The following ADGRV1 variants were observed in gnomAD, a reference collection of about 807,000 sequenced individuals.
The protein encoded by ADGRV1 is adhesion G protein-coupled receptor V1.
A neutral mutation model predicts 596.2 loss-of-function variants in ADGRV1; 359 were observed. The ratio of observed to expected loss-of-function variants is 0.60; its 90% CI spans 0.55 to 0.66. The LOEUF (loss-of-function observed/expected upper bound fraction) is 0.66, where lower values mean the gene tolerates loss of function less well. ADGRV1 is among the 30% of genes least tolerant of loss of function. ADGRV1 has a pLI of 0.00. For synonymous variants in ADGRV1, 2,681 were observed against 2,679.2 expected (o/e 1.00, Z -0.02); for missense variants, 7,274 against 7,575.6 (o/e 0.96, Z 1.48).
chr5:90,588,710 C>G (rs152714), intron 1 of ADGRV1, among the ~76,000 whole-genome samples: 39,118 of 152,050 alleles, frequency 0.26, 6,415 homozygotes, highest in African/African-American at 0.46. Context: ...TGCCCTCCCA[C>G]TCACTTTTTG....
chr5:90,825,713 C>A (rs1369952406), intron 76 of ADGRV1: 3 of 152,178 alleles, frequency 2.0e-5, no homozygotes, highest in East Asian at 3.9e-4. Context: ...ACTACTTCCT[C>A]TGAGCTTGCC....
At chr5:90,564,981 T>C (rs1309768027) in intron 1 of ADGRV1, among the ~76,000 whole-genome samples, 1 of 151,738 alleles carries the variant, frequency 6.6e-6, no homozygotes, top group Admixed American at 6.6e-5. Context: ...ACTCCCGTAA[T>C]CCCAACACTT....
intron 58 of ADGRV1, among the ~76,000 whole-genome samples, chr5:90,760,495 A>G (rs954455366): frequency 2.3e-4 from 35 of 151,956 alleles, no homozygotes; most frequent in Non-Finnish European, 4.0e-4. Context: ...CATCCATACC[A>G]CCTATTCTCT....
intron 1 of ADGRV1, among the ~76,000 whole-genome samples, chr5:90,606,093 G>T (rs750795722): frequency 3.3e-5 from 5 of 152,158 alleles, no homozygotes; most frequent in Non-Finnish European, 7.3e-5. Context: ...ATCATTAAAA[G>T]CATAGTCCAC....
At chr5:91,161,725 C>G (rs1796972142) in intron 89 of ADGRV1, among the ~76,000 whole-genome samples, 1 of 152,082 alleles carries the variant, frequency 6.6e-6, no homozygotes, top group Non-Finnish European at 1.5e-5. Flanking sequence ...AATTTATCAT[C>G]AAAACCTGGG....
intron 56 of ADGRV1, 26 bp from the exon 57 acceptor site, chr5:90,756,953 C>A: frequency 6.6e-7 from 1 of 1,515,782 alleles, no homozygotes; most frequent in Non-Finnish European, 8.9e-7. Flanking sequence ...TTTATCTTGC[C>A]TTTCAATTAT....
At position 90,725,276 on chromosome 5, in the gene ADGRV1, A is replaced by C. The variant is rs367811283; in HGVS notation, c.10053+44A>C. The C allele has an allele frequency of 5.5e-5, 63 of 1,153,684 alleles. No homozygotes were observed. The African/African-American group carries it at 8.4e-4, about 15-fold the overall frequency. The allele number at this position is 1,153,684 out of a possible 1,614,324, so 71.5% of individuals were successfully genotyped here. A position where few individuals can be genotyped will look rare whatever the true frequency, so the allele number is the denominator to read the frequency against. On this transcript the variant is annotated intron_variant, in intron 47 of 89. Transcript: ENST00000405460. ...TTAAATAGATTACTTTCTTTAAAAGAAATTAAGATTTGTAAGATTGTTCAA... is the reference window on the plus strand; with the variant it reads ...TTAAATAGATTACTTTCTTTAAAAGCAATTAAGATTTGTAAGATTGTTCAA...
intron 86 of ADGRV1, among the ~76,000 whole-genome samples, chr5:91,093,613 T>G (rs1426511931): frequency 6.6e-6 from 1 of 152,152 alleles, no homozygotes; most frequent in African/African-American, 2.4e-5. Flanking sequence ...GATAGACACG[T>G]AACAAGTAAT....
At chr5:90,936,894 A>G (rs1312664127) in intron 83 of ADGRV1, among the ~76,000 whole-genome samples, 1 of 152,094 alleles carries the variant, frequency 6.6e-6, no homozygotes, top group Non-Finnish European at 1.5e-5. Flanking sequence ...TATGTCTAAA[A>G]TGTCTTTATT....
intron 83 of ADGRV1, among the ~76,000 whole-genome samples, chr5:90,874,377 C>G (rs888839362): frequency 3.3e-5 from 5 of 152,194 alleles, no homozygotes; most frequent in Non-Finnish European, 1.5e-5. Flanking sequence ...CCTACGGGGT[C>G]TCATCACTGT....
intron 85 of ADGRV1, among the ~76,000 whole-genome samples, chr5:91,052,505 G>GCTCA (rs1351245902): frequency 6.6e-6 from 1 of 151,120 alleles, no homozygotes; most frequent in Non-Finnish European, 1.5e-5. Flanking sequence ...AGTGATCTCA[G>GCTCA]CTCACTGCAG....
chr5:90,745,171 CTTAA>C lies in ADGRV1; in HGVS notation c.10678_10681del (p.Asn3560GlnfsTer5). 1 of 1,613,376 alleles carries C rather than the reference CTTAA, an allele frequency of 6.2e-7. No individual in the cohort carries two copies. On this transcript the variant is annotated frameshift_variant, in exon 51 of 90. Coordinates refer to ENST00000405460, the MANE Select transcript of ADGRV1 (RefSeq NM_032119.4). LOFTEE classifies it high-confidence loss of function. ...TGTGGCTTCTGTTACAGTAAAGTCC[CTTAA>C]TTCAAGCAAGAATTTAATAGCTCTA...
chr5:90,924,712 C>T (rs1198496650), intron 83 of ADGRV1, among the ~76,000 whole-genome samples: 4 of 152,244 alleles, frequency 2.6e-5, no homozygotes, highest in Admixed American at 2.0e-4. Flanking sequence ...TTGCCCATGC[C>T]TGTGTCCTGA....
Position 90,703,665 on chromosome 5 carries a change from G to T in ADGRV1, c.8156G>T (p.Gly2719Val). Residue 2719 changes from glycine to valine, a missense_variant and splice_region_variant, in exon 35 of 90, where the codon GGA becomes GTA. Transcript: ENST00000405460. ...TASRSVIGHE[G>V]EILQFHVIRT... is the part of the protein sequence containing the mutation. ...ATCAATTTACACATTTTACTTGCAG[G>T]AGAAATTTTACAATTCCATGTGATA... is the stretch of plus-strand genomic sequence containing the variant. 6.3e-7 allele frequency: 1 copy of T among 1,594,282 alleles called. No homozygotes were observed. The highest frequency in any genetic ancestry group is 8.6e-7 in the Non-Finnish European group (1 of 1,167,504).
At chr5:90,564,817 G>C (rs1204554904) in intron 1 of ADGRV1, among the ~76,000 whole-genome samples, 2 of 53,370 alleles carry the variant, frequency 3.7e-5, no homozygotes, top group African/African-American at 2.1e-4. Context: ...TAGTAGAGAC[G>C]GGGTTTCACC....
At chr5:91,011,757 GA>G (rs79702880) in intron 85 of ADGRV1, among the ~76,000 whole-genome samples, 2,795 of 150,756 alleles carry the variant, frequency 0.019, 23 homozygotes, top group African/African-American at 0.024. Context: ...GGCCAGGGGG[GA>G]AAAAAAAAAG....
chr5:90,897,428 T>C (rs1244452682), intron 83 of ADGRV1, among the ~76,000 whole-genome samples: 1 of 152,128 alleles, frequency 6.6e-6, no homozygotes, highest in Non-Finnish European at 1.5e-5. Flanking sequence ...AGAAGAGTAA[T>C]GTGTGGATGT....
At chr5:90,644,665 CG>C in intron 14 of ADGRV1, 40 bp from the exon 15 acceptor site, 2 of 1,496,024 alleles carry the variant, frequency 1.3e-6, no homozygotes, top group South Asian at 2.6e-5. Flanking sequence ...TTAAAAGTTT[CG>C]TATGTCTTCA....
chr5:91,073,229 C>T (rs1455559514), intron 86 of ADGRV1, among the ~76,000 whole-genome samples: 1 of 152,088 alleles, frequency 6.6e-6, no homozygotes, highest in African/African-American at 2.4e-5. Context: ...TAACTAGAAG[C>T]AATAGCCACA....
Sources: gnomAD v4.1 joint callset for allele counts (sites outside exome capture counted in the v4.1 genomes callset) on GRCh38, gnomAD v4.1.1 for gene constraint, MANE v1.5 for transcripts, NCBI Gene and HGNC (gene_info 2026-07-23, HGNC 2026-07-21) for gene names.